Variants in ENTREP2 observed in about 807,000 individuals in gnomAD.
ENTREP2 encodes endosomal transmembrane epsin interactor 2, also known as protein ENTREP2.
chr15:29,589,586 G>T, the ENTREP2 span, among the ~76,000 whole-genome samples: 6 of 152,184 alleles, frequency 3.9e-5, no homozygotes, highest in Non-Finnish European at 7.3e-5. Flanking sequence ...AAAGGAAACT[G>T]TGGCCATGAA....
At chr15:29,414,504 G>A in the ENTREP2 span, among the ~76,000 whole-genome samples, 1 of 152,176 alleles carries the variant, frequency 6.6e-6, no homozygotes, top group East Asian at 1.9e-4. Context: ...AAAGCAGTGT[G>A]TAGAGGGAAA....
chr15:29,145,981 A>C, the ENTREP2 span, among the ~76,000 whole-genome samples: 1 of 152,240 alleles, frequency 6.6e-6, no homozygotes, highest in East Asian at 1.9e-4. Context: ...TATGAGATCA[A>C]TATAAAAAAT....
At chr15:29,177,625 CAG>C in the ENTREP2 span, among the ~76,000 whole-genome samples, 1 of 152,174 alleles carries the variant, frequency 6.6e-6, no homozygotes, top group Non-Finnish European at 1.5e-5. Context: ...TAGAGGGACA[CAG>C]GGGTGCCCTG....
chr15:29,293,545 C>A, the ENTREP2 span, among the ~76,000 whole-genome samples: 3 of 152,130 alleles, frequency 2.0e-5, no homozygotes, highest in Non-Finnish European at 4.4e-5. Flanking sequence ...CATGAGCCAC[C>A]GCGCCCGGCC....
At chr15:29,572,290 T>C in the ENTREP2 span, among the ~76,000 whole-genome samples, 4 of 152,232 alleles carry the variant, frequency 2.6e-5, no homozygotes, top group African/African-American at 9.6e-5. Flanking sequence ...CCAGTTCTTA[T>C]CTTTAACAGG....
chr15:29,453,200 A>G, the ENTREP2 span, among the ~76,000 whole-genome samples: 1 of 152,300 alleles, frequency 6.6e-6, no homozygotes, highest in South Asian at 2.1e-4. Context: ...AGAGAATGTA[A>G]TAACTTCTTA....
At chr15:29,129,766 C>G in the ENTREP2 span, among the ~76,000 whole-genome samples, 22,573 of 152,230 alleles carry the variant, frequency 0.15, 1,936 homozygotes, top group Admixed American at 0.19. Flanking sequence ...CTGCGTGGGC[C>G]ATGGTTTCCA....
chr15:29,500,504 G>A, the ENTREP2 span, among the ~76,000 whole-genome samples: 4 of 151,964 alleles, frequency 2.6e-5, no homozygotes, highest in East Asian at 7.7e-4. Flanking sequence ...GGTCAAAGAA[G>A]AATTTACAAG....
the ENTREP2 span, among the ~76,000 whole-genome samples, chr15:29,144,743 CA>C: frequency 1.3e-5 from 2 of 149,926 alleles, no homozygotes; most frequent in Admixed American, 6.7e-5. Context: ...AAAAAACAAA[CA>C]AAAAAAAACA....
the ENTREP2 span, among the ~76,000 whole-genome samples, chr15:29,430,122 G>A: frequency 6.6e-6 from 1 of 152,178 alleles, no homozygotes; most frequent in Non-Finnish European, 1.5e-5. Context: ...AAAGTGGGAA[G>A]TGGGGAAAGG....
chr15:29,406,441 G>C, the ENTREP2 span, among the ~76,000 whole-genome samples: 1 of 151,936 alleles, frequency 6.6e-6, no homozygotes, highest in Non-Finnish European at 1.5e-5. Context: ...TCAGCTACTC[G>C]GATGGCTGAG....
chr15:29,496,989 C>A, the ENTREP2 span, among the ~76,000 whole-genome samples: 1 of 152,104 alleles, frequency 6.6e-6, no homozygotes, highest in African/African-American at 2.4e-5. Context: ...GAAACTTAAT[C>A]CCCAATGCAA....
the ENTREP2 span, among the ~76,000 whole-genome samples, chr15:29,657,480 G>A: frequency 3.2e-4 from 37 of 114,168 alleles, no homozygotes; most frequent in African/African-American, 1.1e-3. Context: ...TCGGCTGGGG[G>A]GGCGGGGGGG....
At chr15:29,456,548 G>A in the ENTREP2 span, among the ~76,000 whole-genome samples, 2 of 152,186 alleles carry the variant, frequency 1.3e-5, no homozygotes, top group Non-Finnish European at 2.9e-5. Flanking sequence ...ATTCTGAGCA[G>A]GGCACTAGGC....
At chr15:29,128,827 G>C in the ENTREP2 span, 1 of 1,550,986 alleles carries the variant, frequency 6.4e-7, no homozygotes, top group Non-Finnish European at 8.7e-7. Flanking sequence ...TGGGTCCCCG[G>C]AGCTGGACTC....
At chr15:29,263,027 C>T in the ENTREP2 span, among the ~76,000 whole-genome samples, 2 of 152,194 alleles carry the variant, frequency 1.3e-5, no homozygotes, top group South Asian at 4.1e-4. Context: ...AGAGTTTTTT[C>T]TCTAAAAAAG....
At chr15:29,253,459 T>TC in the ENTREP2 span, among the ~76,000 whole-genome samples, 1,000 of 151,780 alleles carry the variant, frequency 6.6e-3, 11 homozygotes, top group African/African-American at 0.023. Context: ...TCTCTTTTTT[T>TC]TTTTTTTGTG....
the ENTREP2 span, among the ~76,000 whole-genome samples, chr15:29,163,858 T>C: frequency 8.5e-5 from 13 of 152,172 alleles, no homozygotes; most frequent in Non-Finnish European, 1.6e-4. Context: ...CCTAGGCATA[T>C]TGTCATCAGG....
the ENTREP2 span, among the ~76,000 whole-genome samples, chr15:29,314,204 T>C: frequency 2.0e-5 from 3 of 152,214 alleles, no homozygotes; most frequent in Admixed American, 6.5e-5. Flanking sequence ...GTTTAGAATA[T>C]GATATAAACT....
Sources: allele counts gnomAD v4.1 joint callset (sites outside exome capture counted in the v4.1 genomes callset), GRCh38; gene constraint gnomAD v4.1.1; transcripts MANE v1.5; gene names NCBI Gene and HGNC (gene_info 2026-07-23, HGNC 2026-07-21).